ZNG1F: variants seen among roughly 807,000 people sequenced by gnomAD.
ZNG1F encodes the protein Zn regulated GTPase metalloprotein activator 1F, also known as zinc-regulated GTPase metalloprotein activator 1F.
At chr9:41,138,025 C>T in the ZNG1F span, among the ~76,000 whole-genome samples, 11 of 98,820 alleles carry the variant, frequency 1.1e-4, 1 homozygote, top group Non-Finnish European at 2.3e-4. Context: ...TATTTGTTGC[C>T]TGTATACCTT....
chr9:41,197,705 A>G, the ZNG1F span, among the ~76,000 whole-genome samples: 1 of 135,350 alleles, frequency 7.4e-6, no homozygotes, highest in Non-Finnish European at 1.6e-5. Context: ...CATAGCTTGT[A>G]TGTTTAATAA....
chr9:41,200,755 G>A, the ZNG1F span, among the ~76,000 whole-genome samples: 1 of 152,320 alleles, frequency 6.6e-6, no homozygotes, highest in African/African-American at 2.4e-5. Context: ...CATGGCGGAA[G>A]GCAAAAGGCA....
chr9:41,137,285 G>T, the ZNG1F span, among the ~76,000 whole-genome samples: 2 of 148,668 alleles, frequency 1.3e-5, no homozygotes, highest in Non-Finnish European at 3.0e-5. Flanking sequence ...TGGTTTTGAA[G>T]GTTCCTTTTG....
the ZNG1F span, among the ~76,000 whole-genome samples, chr9:41,174,050 C>T: frequency 1.4e-5 from 2 of 147,814 alleles, no homozygotes; most frequent in Admixed American, 1.4e-4. Flanking sequence ...GGCAAAACCC[C>T]GTCTCTACTA....
the ZNG1F span, chr9:41,131,934 G>A: frequency 5.5e-6 from 2 of 363,342 alleles, no homozygotes; most frequent in African/African-American, 2.7e-5. Context: ...GCTTTATGGT[G>A]TTTAAAAATT....
At chr9:41,164,885 G>A in the ZNG1F span, 70 of 689,790 alleles carry the variant, frequency 1.0e-4, no homozygotes, top group Admixed American at 4.6e-4. Context: ...ATTCCCTAAC[G>A]TTCTTGAAGC....
the ZNG1F span, among the ~76,000 whole-genome samples, chr9:41,159,301 AACT>A: frequency 6.9e-6 from 1 of 145,244 alleles, no homozygotes; most frequent in African/African-American, 2.5e-5. Context: ...TAGCTGAGCA[AACT>A]GCAATGATAG....
chr9:41,181,204 C>T, the ZNG1F span, among the ~76,000 whole-genome samples: 1 of 145,234 alleles, frequency 6.9e-6, no homozygotes, highest in Non-Finnish European at 1.5e-5. Flanking sequence ...CTCTGAAAAG[C>T]TGAATCGTGT....
At chr9:41,164,926 G>A in the ZNG1F span, 30 of 1,439,454 alleles carry the variant, frequency 2.1e-5, 2 homozygotes, top group Middle Eastern at 7.4e-4. Context: ...GTTTCTACAG[G>A]GCAACAATCA....
chr9:41,166,550 T>C, the ZNG1F span, among the ~76,000 whole-genome samples: 2 of 130,760 alleles, frequency 1.5e-5, no homozygotes, highest in African/African-American at 5.9e-5. Context: ...TCCTCAAAAT[T>C]ACAGAACTCC....
At chr9:41,174,014 G>T in the ZNG1F span, among the ~76,000 whole-genome samples, 2 of 148,740 alleles carry the variant, frequency 1.3e-5, no homozygotes, top group Non-Finnish European at 3.0e-5. Context: ...CTGAAGTCAG[G>T]GGTTCAAGAC....
chr9:41,159,032 G>C, the ZNG1F span: 1 of 147,776 alleles, frequency 6.8e-6, no homozygotes, highest in Admixed American at 6.9e-5. Flanking sequence ...TCTTAAAAGA[G>C]AGGCTTTCAA....
the ZNG1F span, among the ~76,000 whole-genome samples, chr9:41,140,950 C>T: frequency 6.6e-6 from 1 of 151,776 alleles, no homozygotes; most frequent in South Asian, 2.1e-4. Flanking sequence ...TGGTCTACAA[C>T]TCCTGGGTTT....
chr9:41,187,145 T>A, the ZNG1F span, among the ~76,000 whole-genome samples: 1 of 147,378 alleles, frequency 6.8e-6, no homozygotes, highest in Non-Finnish European at 1.5e-5. Context: ...AAAAACACTT[T>A]AAGACATAGT....
At chr9:41,198,951 CA>C in the ZNG1F span, 1 of 53,660 alleles carries the variant, frequency 1.9e-5, no homozygotes, top group Non-Finnish European at 4.1e-5. Context: ...TTCACTATCA[CA>C]AAAACAGCAT....
the ZNG1F span, among the ~76,000 whole-genome samples, chr9:41,149,834 TTAC>T: frequency 6.6e-6 from 1 of 150,668 alleles, no homozygotes; most frequent in Non-Finnish European, 1.5e-5. Context: ...TTAGATGTTC[TTAC>T]TACAATAAAA....
the ZNG1F span, chr9:41,132,152 G>C: frequency 1.9e-5 from 30 of 1,550,542 alleles, no homozygotes; most frequent in Non-Finnish European, 8.8e-7. Context: ...TGGTTAATCT[G>C]TTTAAGTGGC....
the ZNG1F span, among the ~76,000 whole-genome samples, chr9:41,141,916 AG>A: frequency 6.1e-5 from 8 of 131,618 alleles, no homozygotes; most frequent in South Asian, 2.6e-4. Flanking sequence ...TAGTCAATCT[AG>A]GCTTGTTTCC....
the ZNG1F span, among the ~76,000 whole-genome samples, chr9:41,173,970 C>T: frequency 6.7e-6 from 1 of 148,628 alleles, no homozygotes; most frequent in Admixed American, 6.8e-5. Flanking sequence ...GCCTGTAATC[C>T]CAGCACTTTG....
Sources: allele counts gnomAD v4.1 joint callset (sites outside exome capture counted in the v4.1 genomes callset), GRCh38; gene constraint gnomAD v4.1.1; transcripts MANE v1.5; gene names NCBI Gene and HGNC (gene_info 2026-07-23, HGNC 2026-07-21).